RAD54L2: variants seen among roughly 807,000 people sequenced by gnomAD.
RAD54L2 encodes the protein helicase ARIP4.
RAD54L2 carries 27 observed loss-of-function variants against 138.4 expected under a neutral mutation model. That is an observed-to-expected ratio of 0.20 (90% CI 0.14 to 0.27). The LOEUF (loss-of-function observed/expected upper bound fraction) is 0.27. RAD54L2 is among the 10% of genes least tolerant of loss of function. The probability of loss-of-function intolerance (pLI) is 1.00; values close to 1 mark genes in which losing one functional copy is unlikely to be tolerated. For missense variants in RAD54L2, 1,396 were observed against 1,890.2 expected (o/e 0.74, Z 4.85); for synonymous variants, 644 against 723.2 (o/e 0.89, Z 1.76).
intron 7 of RAD54L2, 22 bp from the exon 8 acceptor site, chr3:51,633,555 A>G (rs370007487): frequency 8.7e-6 from 14 of 1,601,030 alleles, no homozygotes; most frequent in Non-Finnish European, 1.2e-5. Context: ...CCCCTCTGAC[A>G]TTTGTCTTTG....
intron 4 of RAD54L2, among the ~76,000 whole-genome samples, chr3:51,628,098 T>C (rs1700735693): frequency 6.6e-6 from 1 of 152,196 alleles, no homozygotes; most frequent in South Asian, 2.1e-4. Context: ...GAGGAGACTT[T>C]ATAAAGTTGA....
rs1268195665 is a variant in RAD54L2 at position 51,662,795 on chromosome 3, C to T, written c.3779C>T (p.Thr1260Ile). The T allele has an allele frequency of 6.2e-7, 1 of 1,610,730 alleles. No homozygotes were observed. Among genetic ancestry groups the T allele is most frequent in the Admixed American group, 1.7e-5 (1 of 59,516 alleles). ...AGGGGCCACAAGCGAAAGTTGGCCA[C>T]ACCACCTGCTGCCCAGGAGTCATCC... is the stretch of plus-strand genomic sequence containing the variant. Reference protein sequence around the residue: ...DLRGHKRKLATPPAAQESSRR... With the variant: ...DLRGHKRKLAIPPAAQESSRR... Residue 1260 changes from threonine (T) to isoleucine (I), a missense_variant, in exon 23 of 23, where the codon ACA becomes ATA. By Grantham distance (89) the Thr-to-Ile change is moderately conservative. This residue lies in a region of RAD54L2 where 634 missense variants were observed against 711.2 expected (regional missense o/e 0.89). Coordinates refer to ENST00000684192, the MANE Select transcript of RAD54L2 (RefSeq NM_015106.4). This position sits in a 1 kb window ranked among gnomAD's most constrained non-coding sequence, Gnocchi z 4.6.
chr3:51,569,922 C>T (rs1699298213), intron 2 of RAD54L2, among the ~76,000 whole-genome samples: 1 of 152,002 alleles, frequency 6.6e-6, no homozygotes, highest in Non-Finnish European at 1.5e-5. Context: ...GCAGCCTTGA[C>T]TCCCTGGGCT....
chr3:51,631,637 C>A (rs1700845225), intron 7 of RAD54L2, among the ~76,000 whole-genome samples: 1 of 151,594 alleles, frequency 6.6e-6, no homozygotes, highest in African/African-American at 2.4e-5. Flanking sequence ...AGCCATTGTG[C>A]CTGGCTGAAA....
At chr3:51,598,139 G>GTATATA in intron 3 of RAD54L2, among the ~76,000 whole-genome samples, 1 of 140,900 alleles carries the variant, frequency 7.1e-6, no homozygotes, top group African/African-American at 2.6e-5. Flanking sequence ...ATATATGTGT[G>GTATATA]TATATATATA....
intron 14 of RAD54L2, among the ~76,000 whole-genome samples, chr3:51,640,316 A>G (rs1460283181): frequency 6.6e-6 from 1 of 152,250 alleles, no homozygotes; most frequent in African/African-American, 2.4e-5. Context: ...CAGAGGTTCT[A>G]TGTGGCCAAG....
At chr3:51,588,185 C>CAAAA (rs987919898) in intron 2 of RAD54L2, among the ~76,000 whole-genome samples, 1 of 12,724 alleles carries the variant, frequency 7.9e-5, no homozygotes, top group African/African-American at 3.0e-4. Flanking sequence ...GACTCCATCT[C>CAAAA]AAAAAAAAAA....
At chr3:51,660,586 C>A (rs1701739374) in intron 22 of RAD54L2, among the ~76,000 whole-genome samples, 1 of 150,514 alleles carries the variant, frequency 6.6e-6, no homozygotes, top group South Asian at 2.1e-4. Context: ...GCTGGGATTA[C>A]AGGCATGAGC....
chr3:51,541,882 C>T (rs974677114), intron 2 of RAD54L2: 1 of 152,144 alleles, frequency 6.6e-6, no homozygotes. Flanking sequence ...CTCTCATTTT[C>T]CATCTGGACT....
At chr3:51,540,734 ATAAT>A (rs1303171341) in intron 1 of RAD54L2, among the ~76,000 whole-genome samples, 1 of 152,214 alleles carries the variant, frequency 6.6e-6, no homozygotes, top group African/African-American at 2.4e-5. Context: ...TAAGCTTTAA[ATAAT>A]TATTTTTCTT....
chr3:51,637,399 C>A lies in RAD54L2; in HGVS notation c.1578C>A (p.Arg526=), dbSNP rs142877448. The part of the protein sequence containing the change: ...TRQEFSNMFE[R]PILNGQCIDS... ...AGGAGTTCAGCAACATGTTTGAACG[C>A]CCTATCCTGAATGGGCAATGTATTG... The change falls in exon 11 of 23, where the codon CGC becomes CGA. Residue 526 remains arginine (R), a synonymous_variant. Transcript: ENST00000684192. This position sits in a 1 kb window ranked among gnomAD's most constrained non-coding sequence, Gnocchi z 5.9. The A allele has an allele frequency of 1.4e-4, 226 of 1,613,800 alleles. No individual in the cohort carries two copies. Among genetic ancestry groups the A allele is most frequent in the Non-Finnish European group, 1.8e-4 (211 of 1,179,878 alleles).
chr3:51,556,471 C>T (rs1214854152), intron 2 of RAD54L2, among the ~76,000 whole-genome samples: 1 of 152,046 alleles, frequency 6.6e-6, no homozygotes, highest in African/African-American at 2.4e-5. Context: ...TGGTCTCAAA[C>T]TCCTGTCCTC....
At chr3:51,658,914 A>G (rs918806643) in intron 21 of RAD54L2, among the ~76,000 whole-genome samples, 10 of 138,520 alleles carry the variant, frequency 7.2e-5, no homozygotes, top group African/African-American at 2.2e-4. Flanking sequence ...AATTGGTTGG[A>G]AAAAAAAATC....
chr3:51,625,308 C>G (rs1392218135), intron 3 of RAD54L2, among the ~76,000 whole-genome samples: 1 of 152,076 alleles, frequency 6.6e-6, no homozygotes, highest in Non-Finnish European at 1.5e-5. Flanking sequence ...ATCCCAGCTA[C>G]TCGGGAGGCT....
chr3:51,610,657 A>AAAC (rs1180965179), intron 3 of RAD54L2, among the ~76,000 whole-genome samples: 1 of 151,184 alleles, frequency 6.6e-6, no homozygotes, highest in African/African-American at 2.4e-5. Flanking sequence ...AAAAAAAAAA[A>AAAC]CAGAAAGAAT....
At chr3:51,625,776 C>T (rs1700664068) in intron 3 of RAD54L2, among the ~76,000 whole-genome samples, 1 of 151,922 alleles carries the variant, frequency 6.6e-6, no homozygotes, top group Non-Finnish European at 1.5e-5. Context: ...GCTGGGAGAT[C>T]GTTTGAGTCC....
In RAD54L2 at chr3:51,589,797, T is replaced by C. The variant is rs1478019930; in HGVS notation, c.-54-570T>C. Among the ~76,000 whole-genome samples the C allele has an allele frequency of 2.6e-5, 4 of 151,962 alleles. No individual in the cohort carries two copies. The East Asian group carries it at 7.7e-4, about 29-fold the overall frequency. Reference sequence around the variant, plus strand: ...TACAGGAAGGAATGAACAAATGGGATTTCCAAGGTTTATAGTTTTGTTGTT... The same window carrying C: ...TACAGGAAGGAATGAACAAATGGGACTTCCAAGGTTTATAGTTTTGTTGTT... On this transcript the variant is annotated intron_variant, in intron 2 of 22. Coordinates refer to ENST00000684192, the MANE Select transcript of RAD54L2 (RefSeq NM_015106.4).
intron 2 of RAD54L2, among the ~76,000 whole-genome samples, chr3:51,572,184 C>T (rs1204572247): frequency 2.0e-5 from 3 of 152,136 alleles, no homozygotes; most frequent in Non-Finnish European, 4.4e-5. Context: ...CATGTTGGCT[C>T]ACGCCAATAA....
intron 2 of RAD54L2, among the ~76,000 whole-genome samples, chr3:51,551,969 C>G (rs1371184334): frequency 6.6e-6 from 1 of 151,908 alleles, no homozygotes; most frequent in African/African-American, 2.4e-5. Context: ...CCAGGATGAT[C>G]TCAATCTCTT....
Sources: allele counts gnomAD v4.1 joint callset (sites outside exome capture counted in the v4.1 genomes callset), GRCh38; gene constraint gnomAD v4.1.1; regional missense constraint gnomAD v4.1.1; non-coding constraint Gnocchi (gnomAD v3.1); transcripts MANE v1.5; gene names NCBI Gene and HGNC (gene_info 2026-07-23, HGNC 2026-07-21).